The following LRRC19 variants were observed in gnomAD, a reference collection of about 807,000 sequenced individuals.
The protein encoded by LRRC19 is leucine rich repeat containing 19.
Under a neutral mutation model 33.3 loss-of-function variants are expected in LRRC19, and 33 were observed. That is an observed-to-expected ratio of 0.99 (90% CI 0.75 to 1.33). The LOEUF (loss-of-function observed/expected upper bound fraction) is 1.33. Ranked by LOEUF, LRRC19 falls within the 40% of genes most tolerant of loss-of-function variation. The probability of loss-of-function intolerance (pLI) is 0.00; values close to 1 mark genes in which losing one functional copy is unlikely to be tolerated. For synonymous variants in LRRC19, 184 were observed against 152.3 expected (o/e 1.21, Z -1.53); for missense variants, 463 against 417.3 (o/e 1.11, Z -0.95).
chr9:27,003,186 TG>T (rs1828591360), intron 1 of LRRC19, among the ~76,000 whole-genome samples: 1 of 152,228 alleles, frequency 6.6e-6, no homozygotes, highest in Non-Finnish European at 1.5e-5. Context: ...ACAGATTTTT[TG>T]TGGAGTATTT....
At chr9:27,000,005 G>C (rs1048423134) in intron 1 of LRRC19, among the ~76,000 whole-genome samples, 1 of 151,988 alleles carries the variant, frequency 6.6e-6, no homozygotes, top group African/African-American at 2.4e-5. Flanking sequence ...TCCTGGGTGC[G>C]AGCCATTTCC....
In LRRC19 at chr9:26,997,387, G is replaced by A. The variant is rs571813038; in HGVS notation, c.595+341C>T. 8.5e-5 allele frequency among the ~76,000 whole-genome samples: 12 copies of A among 141,480 alleles called. No individual in the cohort carries two copies. In the East Asian group the frequency reaches 2.6e-3, roughly 30 times the overall value. 92.8% of individuals were successfully genotyped at this position (141,480 alleles called of 152,430 possible). Reference sequence around the variant, plus strand: ...CTCACTCTGTTGCCCAGGCTGGAGTGCAGTGGCACGATCTCGGCTCACTGT... The same window carrying A: ...CTCACTCTGTTGCCCAGGCTGGAGTACAGTGGCACGATCTCGGCTCACTGT... On this transcript the variant is annotated intron_variant, in intron 3 of 4. Coordinates refer to ENST00000380055, the MANE Select transcript of LRRC19 (RefSeq NM_022901.3).
intron 1 of LRRC19, among the ~76,000 whole-genome samples, chr9:27,000,160 A>AT (rs1828401423): frequency 6.6e-6 from 1 of 152,160 alleles, no homozygotes; most frequent in Admixed American, 6.5e-5. Context: ...TCTGATCTTA[A>AT]TAAACTAGAA....
rs765563717 is a variant in LRRC19, at chr9:26,995,721, G to C, written c.913C>G (p.His305Asp). 1 of 1,613,850 alleles carries C rather than the reference G, an allele frequency of 6.2e-7. No homozygotes were observed. Among genetic ancestry groups the C allele is most frequent in the South Asian group, 1.1e-5 (1 of 91,068 alleles). ...GCTTCATGCTCTTCCAGGCGATGAT[G>C]ATTATAACTAAGCAGAATATTGTAC... ...IWYNILLSYN[H>D]HRLEEHEAET... The change falls in exon 5 of 5, where the codon CAT becomes GAT. Residue 305 changes from histidine (H) to aspartate (D), a missense_variant. Coordinates refer to ENST00000380055, the MANE Select transcript of LRRC19 (RefSeq NM_022901.3).
At chr9:26,999,331 A>G (rs1199139657) in intron 2 of LRRC19, among the ~76,000 whole-genome samples, 3 of 152,186 alleles carry the variant, frequency 2.0e-5, no homozygotes, top group Non-Finnish European at 4.4e-5. Flanking sequence ...TTTTTAAAAA[A>G]AAGTTTCCTA....
At position 26,995,648 on chromosome 9, in the gene LRRC19, T is replaced by A. The variant is rs1828110398; in HGVS notation, c.986A>T (p.Gln329Leu). The A allele has an allele frequency of 6.2e-7, 1 of 1,613,780 alleles. No individual in the cohort carries two copies. The highest frequency in any genetic ancestry group is 8.5e-7 in the Non-Finnish European group (1 of 1,179,860). ...GFTGNPSSLS[Q>L]IPETNSEETT... ...TTCTTCAGAGTTTGTTTCTGGTATC[T>A]GTGAAAGAGAGCTTGGATTTCCAGT... The change falls in exon 5 of 5, where the codon CAG (glutamine) becomes CTG (leucine). Residue 329 changes from glutamine to leucine, a missense_variant. Transcript: ENST00000380055.
intron 2 of LRRC19, 138 bp downstream of exon 2, chr9:26,999,476 G>T: frequency 1.9e-6 from 1 of 520,860 alleles, no homozygotes; most frequent in Non-Finnish European, 3.2e-6. Context: ...TTGGAATTTG[G>T]ATATACAGAG....
intron 1 of LRRC19, among the ~76,000 whole-genome samples, chr9:27,004,246 A>G (rs1323882405): frequency 6.6e-6 from 1 of 152,218 alleles, no homozygotes; most frequent in African/African-American, 2.4e-5. Flanking sequence ...TGTTTTCTCA[A>G]GTGCGCTAAA....
Position 26,995,772 on chromosome 9 carries a change from A to C in LRRC19, c.862T>G (p.Phe288Val). The C allele has an allele frequency of 1.2e-6, 2 of 1,613,888 alleles. No homozygotes were observed. Among genetic ancestry groups the C allele is most frequent in the Middle Eastern group, 1.7e-4 (1 of 6,056 alleles). Residue 288 changes from phenylalanine (F) to valine (V), a missense_variant, in exon 5 of 5, where the codon TTT becomes GTT. Transcript: ENST00000380055. The part of the protein sequence containing the change: ...VTVLTTSLLI[F>V]IAIKCPIWYN... Reference sequence around the variant, plus strand: ...CATATTGGGCATTTGATAGCAATAAAAATGAGAAGTGAAGTCGTCAGTACA... The same window carrying C: ...CATATTGGGCATTTGATAGCAATAACAATGAGAAGTGAAGTCGTCAGTACA...
rs187023332 is a variant in LRRC19, at chr9:26,999,628, G to A, written c.67C>T (p.Gln23Ter). The A allele has an allele frequency of 3.7e-6, 6 of 1,602,306 alleles. No individual in the cohort carries two copies. In the Admixed American group the frequency reaches 6.9e-5, roughly 18 times the overall value. The change falls in exon 2 of 5, where the codon CAG (glutamine) becomes TAG (stop). Residue 23 changes from glutamine (Q) to a stop codon, truncating the protein, a stop_gained. Coordinates refer to ENST00000380055, the MANE Select transcript of LRRC19 (RefSeq NM_022901.3). LOFTEE classifies it high-confidence loss of function. ...TAAAAACTTACTCTTTTAGAAGACT[G>A]GATTTTGTCTGATAATAATATCATG... ...LSMILLSDKI[Q>*]SSKREVQCNF... is the part of the protein sequence containing the mutation.
chr9:26,999,663 C>T lies in LRRC19; in HGVS notation c.32G>A (p.Trp11Ter), dbSNP rs533065423. ...TGATAATAATATCATGGAGAGGGGCCAAAAGAGGATTGTGATGCCTGTGAC... is the reference window on the plus strand; with the variant it reads ...TGATAATAATATCATGGAGAGGGGCTAAAAGAGGATTGTGATGCCTGTGAC... The part of the protein sequence containing the change: MKVTGITILF[W>*]PLSMILLSDK... The change falls in exon 2 of 5, where the codon TGG becomes TAG. Residue 11 changes from tryptophan (W) to a stop codon, truncating the protein, a stop_gained. Coordinates refer to ENST00000380055, the MANE Select transcript of LRRC19 (RefSeq NM_022901.3). LOFTEE classifies it high-confidence loss of function. 6.2e-7 allele frequency: 1 copy of T among 1,608,992 alleles called. No individual in the cohort carries two copies. The highest frequency in any genetic ancestry group is 1.3e-5 in the African/African-American group (1 of 74,596).
chr9:27,003,546 C>G (rs1254980252), intron 1 of LRRC19, among the ~76,000 whole-genome samples: 1 of 151,956 alleles, frequency 6.6e-6, no homozygotes, highest in Non-Finnish European at 1.5e-5. Context: ...AAAAACTAAT[C>G]AGAGTAGGCA....
Position 26,997,842 on chromosome 9 carries a change from C to G in LRRC19, c.481G>C (p.Asp161His), listed in dbSNP as rs1015322937. 3.7e-6 allele frequency: 6 copies of G among 1,614,034 alleles called. No homozygotes were observed. The highest frequency in any genetic ancestry group is 5.1e-6 in the Non-Finnish European group (6 of 1,180,026). Residue 161 changes from aspartate (D) to histidine (H), a missense_variant, in exon 3 of 5, where the codon GAT becomes CAT. Asp to His is a moderately conservative substitution (Grantham distance 81). Transcript: ENST00000380055. ...TCCAGATGAAATAGTGGTGGTACAT[C>G]CAAATAGCTAATCAAATTGCCTTGC... is the stretch of plus-strand genomic sequence containing the variant. ...NLQGNLISYL[D>H]VPPLFHLELI...
Position 26,995,774 on chromosome 9 carries a change from A to G in LRRC19, c.860T>C (p.Ile287Thr). 1.2e-6 allele frequency: 2 copies of G among 1,613,898 alleles called. No homozygotes were observed. The highest frequency in any genetic ancestry group is 1.7e-6 in the Non-Finnish European group (2 of 1,179,882). Residue 287 changes from isoleucine to threonine, a missense_variant, in exon 5 of 5, where the codon ATT (isoleucine) becomes ACT (threonine). Ile to Thr is a moderately conservative substitution (Grantham distance 89). Coordinates refer to ENST00000380055, the MANE Select transcript of LRRC19 (RefSeq NM_022901.3). ...VVTVLTTSLL[I>T]FIAIKCPIWY... is the part of the protein sequence containing the mutation. ...TATTGGGCATTTGATAGCAATAAAA[A>G]TGAGAAGTGAAGTCGTCAGTACAGT...
Position 26,996,067 on chromosome 9 carries a change from C to T in LRRC19, c.785-218G>A, listed in dbSNP as rs1828139127. ...TACCTAAGACCATTATTGATTTATA[C>T]TCGTTAAGATTTGTGACTAGACTAG... On this transcript the variant is annotated intron_variant, in intron 4 of 4. Transcript: ENST00000380055. Among the ~76,000 whole-genome samples the T allele has an allele frequency of 2.6e-5, 4 of 152,072 alleles. No homozygotes were observed. In the South Asian group the frequency reaches 8.3e-4, roughly 31 times the overall value.
At chr9:27,004,939 A>G (rs1828693775) in intron 1 of LRRC19, among the ~76,000 whole-genome samples, 1 of 152,152 alleles carries the variant, frequency 6.6e-6, no homozygotes, top group African/African-American at 2.4e-5. Flanking sequence ...CATGTTTCTT[A>G]AGTTATTTAC....
rs150702935 is a variant in LRRC19 at position 26,998,055 on chromosome 9, T to A, written c.268A>T (p.Asn90Tyr). 1.2e-5 allele frequency: 19 copies of A among 1,613,446 alleles called. No individual in the cohort carries two copies. In the African/African-American group the frequency reaches 2.4e-4, roughly 20 times the overall value. Reference sequence around the variant, plus strand: ...CTGGAGAGGTTACCAAAACCGTTATTATGTAAGATAGTAACCTTGTTCTCA... The same window carrying A: ...CTGGAGAGGTTACCAAAACCGTTATAATGTAAGATAGTAACCTTGTTCTCA... ...LIENKVTILH[N>Y]NGFGNLSSLE... Residue 90 changes from asparagine (N) to tyrosine (Y), a missense_variant, in exon 3 of 5, where the codon AAT becomes TAT. Asn to Tyr is a moderately radical substitution (Grantham distance 143). Transcript: ENST00000380055.
At chr9:26,997,103 T>A (rs1267215997) in intron 3 of LRRC19, among the ~76,000 whole-genome samples, 1 of 151,240 alleles carries the variant, frequency 6.6e-6, no homozygotes, top group East Asian at 2.0e-4. Flanking sequence ...TCCCAGCTAC[T>A]GGGGAGGCTG....
chr9:27,001,584 A>G (rs1315255284), intron 1 of LRRC19, among the ~76,000 whole-genome samples: 2 of 151,284 alleles, frequency 1.3e-5, no homozygotes, highest in African/African-American at 4.8e-5. Context: ...TTTTCCACAT[A>G]CTTGTTTGTC....
Sources: allele counts gnomAD v4.1 joint callset (sites outside exome capture counted in the v4.1 genomes callset), GRCh38; gene constraint gnomAD v4.1.1; transcripts MANE v1.5; gene names NCBI Gene and HGNC (gene_info 2026-07-23, HGNC 2026-07-21).